RELN: variants seen among roughly 807,000 people sequenced by gnomAD.
RELN encodes reelin.
In RELN, 108 loss-of-function variants were observed where a neutral mutation model predicts 427.6. The observed-to-expected ratio is 0.25, with a 90% CI of 0.22 to 0.30. RELN has a LOEUF of 0.30. Ranked by LOEUF, RELN falls within the 10% of genes least tolerant of loss-of-function variation. RELN has a pLI of 1.00. For synonymous variants in RELN, 1,524 were observed against 1,513.4 expected, an observed-to-expected ratio of 1.01 and a Z score of -0.16; for missense variants, 3,715 against 4,302.8, an observed-to-expected ratio of 0.86 and a Z score of 3.82.
chr7:103,981,200 T>C (rs1239613410), intron 1 of RELN, among the ~76,000 whole-genome samples: 1 of 152,200 alleles, frequency 6.6e-6, no homozygotes, highest in East Asian at 1.9e-4. Context: ...ATGTCACACG[T>C]CTAGATGTTT....
chr7:103,474,407 G>A (rs1271866032), intron 64 of RELN, among the ~76,000 whole-genome samples: 2 of 152,012 alleles, frequency 1.3e-5, no homozygotes, highest in African/African-American at 4.8e-5. Flanking sequence ...ATATCCTGAA[G>A]ACATTATAGA....
intron 1 of RELN, among the ~76,000 whole-genome samples, chr7:103,960,873 G>A (rs1449993665): frequency 1.3e-5 from 2 of 152,150 alleles, no homozygotes; most frequent in South Asian, 2.1e-4. Flanking sequence ...AAAGAACACT[G>A]CTTTAAGGTG....
Position 103,620,928 on chromosome 7 carries a change from T to G in RELN, c.2702+9012A>C, listed in dbSNP as rs1427041752. Among the ~76,000 whole-genome samples, 1 of 152,222 alleles carries G rather than the reference T, an allele frequency of 6.6e-6. No homozygotes were observed. The highest frequency in any genetic ancestry group is 1.5e-5 in the Non-Finnish European group (1 of 68,048). On this transcript the variant is annotated intron_variant, in intron 20 of 64. Transcript: ENST00000428762. The surrounding 1 kb of genome is among the most constrained non-coding windows in gnomAD (Gnocchi z 4.1). Reference sequence around the variant, plus strand: ...TTGATGTAGTCAGGCCTGACAGCCCTGGCTGAAAACATTTAGCATGGAGGG... The same window carrying G: ...TTGATGTAGTCAGGCCTGACAGCCCGGGCTGAAAACATTTAGCATGGAGGG...
Position 103,949,132 on chromosome 7 carries a change from C to T in RELN, c.227-31947G>A, listed in dbSNP as rs528511610. 2.0e-5 allele frequency among the ~76,000 whole-genome samples: 3 copies of T among 150,900 alleles called. No homozygotes were observed. In the South Asian group the frequency reaches 6.3e-4, roughly 32 times the overall value. ...ATATATATATGTGTATACACACACACATTGCATTTTTAGTTAGTTTAAAAA... is the reference window on the plus strand; with the variant it reads ...ATATATATATGTGTATACACACACATATTGCATTTTTAGTTAGTTTAAAAA... On this transcript the variant is annotated intron_variant, in intron 1 of 64. Coordinates refer to ENST00000428762, the MANE Select transcript of RELN (RefSeq NM_005045.4).
intron 63 of RELN, among the ~76,000 whole-genome samples, chr7:103,480,783 C>G (rs1382705125): frequency 2.0e-5 from 3 of 152,114 alleles, no homozygotes; most frequent in Non-Finnish European, 2.9e-5. Context: ...TGAAAGAAGA[C>G]TTGGAGTAAA....
intron 6 of RELN, among the ~76,000 whole-genome samples, chr7:103,735,804 T>C (rs1289324631): frequency 6.6e-6 from 1 of 152,158 alleles, no homozygotes; most frequent in Non-Finnish European, 1.5e-5. Flanking sequence ...CTCTCCATAA[T>C]GTATTGCCAC....
In RELN at chr7:103,569,075, T is replaced by C. The variant is rs1407799962; in HGVS notation, c.4589-2316A>G. ...AATGAATAGAATATGGTGGAAGTAA[T>C]GGTGTGTAACTTTGGAAACAGTCAT... On this transcript the variant is annotated intron_variant, in intron 31 of 64. Coordinates refer to ENST00000428762, the MANE Select transcript of RELN (RefSeq NM_005045.4). The surrounding 1 kb of genome is among the most constrained non-coding windows in gnomAD (Gnocchi z 4.0). Among the ~76,000 whole-genome samples the C allele has an allele frequency of 1.3e-5, 2 of 152,210 alleles. No individual in the cohort carries two copies. Among genetic ancestry groups the C allele is most frequent in the African/African-American group, 4.8e-5 (2 of 41,448 alleles).
chr7:103,840,940 A>T (rs1161271233), intron 2 of RELN, among the ~76,000 whole-genome samples: 1 of 152,224 alleles, frequency 6.6e-6, no homozygotes, highest in Non-Finnish European at 1.5e-5. Context: ...CATATAATGT[A>T]TATGTGTGTA....
At chr7:103,711,513 G>C (rs560170395) in intron 8 of RELN, among the ~76,000 whole-genome samples, 1 of 152,274 alleles carries the variant, frequency 6.6e-6, no homozygotes, top group East Asian at 1.9e-4. Context: ...AGAATAAAGA[G>C]AGAATAAGAC....
chr7:103,802,486 A>G (rs1030474791), intron 3 of RELN, among the ~76,000 whole-genome samples: 32 of 152,292 alleles, frequency 2.1e-4, no homozygotes, highest in African/African-American at 7.2e-4. Flanking sequence ...GGGTTTTTAT[A>G]TATTAGATTT....
chr7:103,669,776 A>G (rs994909336), intron 11 of RELN, among the ~76,000 whole-genome samples: 1 of 152,140 alleles, frequency 6.6e-6, no homozygotes, highest in African/African-American at 2.4e-5. Flanking sequence ...TGTGAAGTGC[A>G]TTTGAAGGAA....
rs1796375995 is a variant in RELN at position 103,953,654 on chromosome 7, T to A, written c.226+35477A>T. Among the ~76,000 whole-genome samples, 1 of 152,170 alleles carries A rather than the reference T, an allele frequency of 6.6e-6. No individual in the cohort carries two copies. Among genetic ancestry groups the A allele is most frequent in the Admixed American group, 6.6e-5 (1 of 15,264 alleles). ...ATGATCAAAACTTACCAGCCTCCAC[T>A]GGGTGCGGTGGCTCACATCTGTAAT... is the stretch of plus-strand genomic sequence containing the variant. On this transcript the variant is annotated intron_variant, in intron 1 of 64. Transcript: ENST00000428762. This position sits in a 1 kb window ranked among gnomAD's most constrained non-coding sequence, Gnocchi z 4.3.
At chr7:103,845,330 C>A (rs533995296) in intron 2 of RELN, among the ~76,000 whole-genome samples, 4 of 152,080 alleles carry the variant, frequency 2.6e-5, no homozygotes, top group Non-Finnish European at 5.9e-5. Context: ...TATAGGCATG[C>A]GTCACCACGC....
At chr7:103,789,018 G>A (rs1269749598) in intron 3 of RELN, among the ~76,000 whole-genome samples, 1 of 152,038 alleles carries the variant, frequency 6.6e-6, no homozygotes, top group Non-Finnish European at 1.5e-5. Flanking sequence ...CAGAACAGAG[G>A]CCTCAGAAAT....
At chr7:103,937,780 G>T (rs948157205) in intron 1 of RELN, among the ~76,000 whole-genome samples, 1 of 152,116 alleles carries the variant, frequency 6.6e-6, no homozygotes, top group Non-Finnish European at 1.5e-5. Context: ...TGTTAAAATG[G>T]TCTCATCTTA....
intron 2 of RELN, among the ~76,000 whole-genome samples, chr7:103,892,689 A>G (rs1258545981): frequency 6.6e-6 from 1 of 152,202 alleles, no homozygotes; most frequent in Non-Finnish European, 1.5e-5. Flanking sequence ...TGAAAGAACA[A>G]TTATGAATAG....
At chr7:103,861,133 T>A (rs1169829428) in intron 2 of RELN, among the ~76,000 whole-genome samples, 1 of 152,182 alleles carries the variant, frequency 6.6e-6, no homozygotes, top group African/African-American at 2.4e-5. Flanking sequence ...AGTTTCTTTT[T>A]TTCTGATATA....
chr7:103,753,158 G>A, intron 5 of RELN, 24 bp downstream of exon 5: 1 of 1,612,156 alleles, frequency 6.2e-7, no homozygotes. Flanking sequence ...TAAAGTTAAT[G>A]ACATCAGAGT....
At chr7:103,478,660 T>C (rs1828122519) in intron 63 of RELN, 1 of 325,992 alleles carries the variant, frequency 3.1e-6, no homozygotes, top group Admixed American at 4.6e-5. Flanking sequence ...TAGTACTACA[T>C]TTGGCATAAA....
Sources: allele counts gnomAD v4.1 joint callset (sites outside exome capture counted in the v4.1 genomes callset), GRCh38; gene constraint gnomAD v4.1.1; non-coding constraint Gnocchi (gnomAD v3.1); transcripts MANE v1.5; gene names NCBI Gene and HGNC (gene_info 2026-07-23, HGNC 2026-07-21).